Variants in DLG2 observed in about 807,000 individuals in gnomAD.
The protein encoded by DLG2 is discs large MAGUK scaffold protein 2, also known as disks large homolog 2.
DLG2 carries 45 observed loss-of-function variants against 132.5 expected under a neutral mutation model. That is an observed-to-expected ratio of 0.34 (90% CI 0.27 to 0.44). DLG2 has a LOEUF of 0.44. Among genes scored for constraint, DLG2 ranks in the 20% least tolerant of loss-of-function variants. The pLI, the probability that DLG2 is intolerant of heterozygous loss-of-function variation, is 1.00. For synonymous variants in DLG2, 424 were observed against 419.6 expected (o/e 1.01, Z -0.13); for missense variants, 1,045 against 1,196.9 (o/e 0.87, Z 1.87).
At chr11:84,047,047 G>C (rs1391190366) in intron 11 of DLG2, among the ~76,000 whole-genome samples, 5 of 151,510 alleles carry the variant, frequency 3.3e-5, no homozygotes, top group Non-Finnish European at 5.9e-5. Context: ...ATGAGTTGAG[G>C]AACCAAAATG....
At chr11:84,715,866 T>C (rs1478380644) in intron 6 of DLG2, among the ~76,000 whole-genome samples, 1 of 152,148 alleles carries the variant, frequency 6.6e-6, no homozygotes, top group African/African-American at 2.4e-5. Flanking sequence ...AGTGTTGCAG[T>C]GAACATGAGA....
At chr11:84,367,834 T>C (rs1206395632) in intron 7 of DLG2, among the ~76,000 whole-genome samples, 1 of 152,096 alleles carries the variant, frequency 6.6e-6, no homozygotes, top group Non-Finnish European at 1.5e-5. Context: ...TTATCAATTA[T>C]CCAGTCTCAG....
At chr11:85,575,014 C>T (rs1469491859) in intron 3 of DLG2, among the ~76,000 whole-genome samples, 2 of 151,990 alleles carry the variant, frequency 1.3e-5, no homozygotes, top group Non-Finnish European at 2.9e-5. Flanking sequence ...TACAGAAAAC[C>T]TCCAACTCCT....
At chr11:83,869,159 A>C (rs2374462) in intron 16 of DLG2, among the ~76,000 whole-genome samples, 100,200 of 151,952 alleles carry the variant, frequency 0.66, 33,253 homozygotes, top group Middle Eastern at 0.82. Context: ...GGTTCTATGT[A>C]CTGATTCAAA....
rs565500094 is a variant in DLG2, at chr11:83,790,790, G to A, written c.1723-3998C>T. On this transcript the variant is annotated intron_variant, in intron 17 of 27. Coordinates refer to ENST00000376104, the MANE Select transcript of DLG2 (RefSeq NM_001142699.3). ...TCTGGTCTGCCTGACTCTCATCTTC[G>A]GGGAAAGAGCGCCCTCCCACTTGAG... 48 of 756,998 alleles carry A rather than the reference G, an allele frequency of 6.3e-5. No homozygotes were observed. The African/African-American group carries it at 8.0e-4, about 13-fold the overall frequency. 46.9% of individuals were successfully genotyped at this position (756,998 alleles called of 1,614,324 possible). A position where few individuals can be genotyped will look rare whatever the true frequency, so the allele number is the denominator to read the frequency against.
At chr11:83,601,914 A>G (rs1283031651) in intron 19 of DLG2, among the ~76,000 whole-genome samples, 1 of 152,096 alleles carries the variant, frequency 6.6e-6, no homozygotes, top group Non-Finnish European at 1.5e-5. Flanking sequence ...CTGCTTATTG[A>G]GACCAGAACG....
intron 8 of DLG2, among the ~76,000 whole-genome samples, chr11:84,183,361 G>A (rs1351331357): frequency 2.0e-5 from 3 of 152,136 alleles, no homozygotes; most frequent in Admixed American, 6.6e-5. Context: ...ACTCAGTTGT[G>A]GATGTCAATG....
intron 7 of DLG2, among the ~76,000 whole-genome samples, chr11:84,430,443 A>G (rs1206885115): frequency 8.5e-6 from 1 of 118,342 alleles, no homozygotes; most frequent in African/African-American, 6.4e-5. Context: ...ATCTCAAAAA[A>G]AAAAAAGAAA....
chr11:84,798,562 C>T (rs1389831337), intron 6 of DLG2, among the ~76,000 whole-genome samples: 2 of 152,164 alleles, frequency 1.3e-5, no homozygotes, highest in Non-Finnish European at 2.9e-5. Flanking sequence ...GAGACTCACC[C>T]TTCAGGACAG....
At chr11:84,541,792 T>C (rs2099372540) in intron 6 of DLG2, among the ~76,000 whole-genome samples, 1 of 152,136 alleles carries the variant, frequency 6.6e-6, no homozygotes, top group African/African-American at 2.4e-5. Flanking sequence ...ATACTCATAC[T>C]CATTTTCTAC....
At chr11:85,113,856 T>C (rs2073152434) in intron 5 of DLG2, among the ~76,000 whole-genome samples, 1 of 151,986 alleles carries the variant, frequency 6.6e-6, no homozygotes, top group Admixed American at 6.6e-5. Flanking sequence ...ACCAAAGTGG[T>C]ATACCCTGCA....
intron 20 of DLG2, among the ~76,000 whole-genome samples, chr11:83,536,030 A>G (rs1565686835): frequency 1.3e-5 from 2 of 152,326 alleles, no homozygotes; most frequent in East Asian, 3.9e-4. Flanking sequence ...CCAAGCCTGC[A>G]TTATCCAAAT....
chr11:84,467,857 G>A (rs575566295), intron 7 of DLG2, among the ~76,000 whole-genome samples: 1 of 151,372 alleles, frequency 6.6e-6, no homozygotes, highest in Non-Finnish European at 1.5e-5. Flanking sequence ...AGATAATCTG[G>A]CTATCTACTT....
At chr11:84,058,310 T>C (rs1456059664) in intron 11 of DLG2, among the ~76,000 whole-genome samples, 1 of 151,940 alleles carries the variant, frequency 6.6e-6, no homozygotes, top group East Asian at 1.9e-4. Context: ...TACTATTAAG[T>C]TACTACTTAA....
chr11:83,762,351 T>C (rs1400274918), intron 18 of DLG2, among the ~76,000 whole-genome samples: 1 of 152,236 alleles, frequency 6.6e-6, no homozygotes, highest in African/African-American at 2.4e-5. Flanking sequence ...GGGAAGACCA[T>C]GCTGCAGGTG....
chr11:84,947,255 G>C (rs1327355528), intron 6 of DLG2, among the ~76,000 whole-genome samples: 1 of 152,098 alleles, frequency 6.6e-6, no homozygotes, highest in Non-Finnish European at 1.5e-5. Context: ...TCAATGTGTT[G>C]TTCCTTCTGG....
rs1555348650 is a variant in DLG2, at chr11:84,106,977, A to AGGGG, written c.625-7931_625-7930insCCCC. On this transcript the variant is annotated intron_variant, in intron 9 of 27. Transcript: ENST00000376104. Reference sequence around the variant, plus strand: ...GAAAGAGAGAGAGAGTTTTAGCCTTAGGGTGTGTGTGTGTGTGTGTGTGTG... The same window carrying AGGGG: ...GAAAGAGAGAGAGAGTTTTAGCCTTAGGGGGGGTGTGTGTGTGTGTGTGTGTGTG... Among the ~76,000 whole-genome samples the AGGGG allele has an allele frequency of 1.3e-3, 123 of 97,484 alleles. 1 individual carries two copies. The highest frequency in any genetic ancestry group is 4.7e-3 in the African/African-American group (120 of 25,672). The allele number at this position is 97,484 out of a possible 152,430, so 64.0% of individuals were successfully genotyped here.
chr11:85,527,690 A>G (rs762166186), intron 3 of DLG2, among the ~76,000 whole-genome samples: 1 of 152,204 alleles, frequency 6.6e-6, no homozygotes, highest in Non-Finnish European at 1.5e-5. Flanking sequence ...AAAATAATTT[A>G]TAATCCTTTG....
At chr11:85,314,679 C>T (rs1002306315) in intron 3 of DLG2, among the ~76,000 whole-genome samples, 4 of 151,808 alleles carry the variant, frequency 2.6e-5, no homozygotes, top group African/African-American at 9.7e-5. Context: ...AGCAAAGAAA[C>T]GTGCAAAGCA....
Sources: gnomAD v4.1 joint callset for allele counts (sites outside exome capture counted in the v4.1 genomes callset) on GRCh38, gnomAD v4.1.1 for gene constraint, MANE v1.5 for transcripts, NCBI Gene and HGNC (gene_info 2026-07-23, HGNC 2026-07-21) for gene names.